ST18: variants seen among roughly 807,000 people sequenced by gnomAD.
The protein encoded by ST18 is suppression of tumorigenicity 18 protein.
ST18 carries 50 observed loss-of-function variants against 110.0 expected under a neutral mutation model. That is an observed-to-expected ratio of 0.45 (90% CI 0.36 to 0.58). The LOEUF is 0.58. ST18 is among the 20% of genes least tolerant of loss of function. The pLI, the probability that ST18 is intolerant of heterozygous loss-of-function variation, is 0.00. For missense variants in ST18, 1,306 were observed against 1,280.1 expected, an observed-to-expected ratio of 1.02 and a Z score of -0.31; for synonymous variants, 461 against 452.4, an observed-to-expected ratio of 1.02 and a Z score of -0.24.
chr8:52,321,935 CTAAA>C (rs996597388), intron 2 of ST18, among the ~76,000 whole-genome samples: 2 of 152,170 alleles, frequency 1.3e-5, no homozygotes, highest in African/African-American at 4.8e-5. Flanking sequence ...CTATCACCTC[CTAAA>C]TAATTAGAGC....
At chr8:52,249,199 A>G (rs1314162243) in intron 2 of ST18, among the ~76,000 whole-genome samples, 1 of 152,204 alleles carries the variant, frequency 6.6e-6, no homozygotes. Flanking sequence ...CAACAATAAC[A>G]ACAAAATAAG....
At chr8:52,172,674 T>TTC in intron 9 of ST18, 91 bp from the exon 10 acceptor site, 2 of 960,842 alleles carry the variant, frequency 2.1e-6, no homozygotes, top group Non-Finnish European at 3.0e-6. Flanking sequence ...AACATATGCA[T>TTC]TCACATACAT....
intron 2 of ST18, among the ~76,000 whole-genome samples, chr8:52,307,415 G>A (rs762478889): frequency 2.6e-5 from 4 of 152,020 alleles, no homozygotes; most frequent in Non-Finnish European, 5.9e-5. Flanking sequence ...CAAAGTCCAC[G>A]TTAAACAATA....
chr8:52,241,450 T>G (rs748302893), intron 2 of ST18, among the ~76,000 whole-genome samples: 1 of 152,242 alleles, frequency 6.6e-6, no homozygotes, highest in Non-Finnish European at 1.5e-5. Flanking sequence ...AGTAGTATAG[T>G]GAAACTGCAT....
At chr8:52,171,678 T>C (rs1013003793) in intron 10 of ST18, 114 bp downstream of exon 10, 1 of 1,055,386 alleles carries the variant, frequency 9.5e-7, no homozygotes, top group Non-Finnish European at 1.4e-6. Context: ...TAAATTGATT[T>C]TTAAGTTGCA....
chr8:52,157,568 C>T lies in ST18; in HGVS notation c.1806+1330G>A, dbSNP rs79400956. On this transcript the variant is annotated intron_variant, in intron 15 of 25. Coordinates refer to ENST00000689386, the MANE Select transcript of ST18 (RefSeq NM_001352837.2). ...TTGCATTTAAAAATTCCCTAAATCACCTATGTAAATAATTTGTGACTAGGA... is the reference window on the plus strand; with the variant it reads ...TTGCATTTAAAAATTCCCTAAATCATCTATGTAAATAATTTGTGACTAGGA... Among the ~76,000 whole-genome samples, 348 of 152,232 alleles carry T rather than the reference C, an allele frequency of 2.3e-3. 1 individual carries two copies. Among genetic ancestry groups the T allele is most frequent in the Non-Finnish European group, 4.3e-3 (289 of 67,992 alleles).
intron 2 of ST18, among the ~76,000 whole-genome samples, chr8:52,268,964 C>T (rs1293490549): frequency 6.6e-6 from 1 of 152,208 alleles, no homozygotes; most frequent in Non-Finnish European, 1.5e-5. Flanking sequence ...GTGCCCTCCG[C>T]AGCATCTTCA....
chr8:52,160,215 A>G (rs1452176603), intron 14 of ST18, among the ~76,000 whole-genome samples: 1 of 152,220 alleles, frequency 6.6e-6, no homozygotes, highest in Non-Finnish European at 1.5e-5. Context: ...GGCACACACA[A>G]AATTGCATGG....
At chr8:52,321,697 A>G (rs1055557991) in intron 2 of ST18, among the ~76,000 whole-genome samples, 2 of 152,216 alleles carry the variant, frequency 1.3e-5, no homozygotes, top group African/African-American at 4.8e-5. Context: ...GAATTTCACA[A>G]TGCCTGTCAA....
intron 8 of ST18, among the ~76,000 whole-genome samples, chr8:52,192,510 A>G (rs2074872106): frequency 6.6e-6 from 1 of 152,228 alleles, no homozygotes; most frequent in Non-Finnish European, 1.5e-5. Flanking sequence ...GAGCCCAGAA[A>G]TTGCTAGCCT....
At chr8:52,281,889 G>C (rs768797075) in intron 2 of ST18, among the ~76,000 whole-genome samples, 3 of 152,150 alleles carry the variant, frequency 2.0e-5, no homozygotes, top group African/African-American at 7.2e-5. Flanking sequence ...TTGGGGACTC[G>C]GGGAAATGGT....
In ST18 at chr8:52,215,594, A is replaced by G. The variant is rs577823073; in HGVS notation, c.1-1337T>C. ...TGAACTGCTTTTTAAACTAGCAAAC[A>G]AAAAGTGTTCACTGCCTTTGCTGAA... On this transcript the variant is annotated intron_variant, in intron 6 of 25. Coordinates refer to ENST00000689386, the MANE Select transcript of ST18 (RefSeq NM_001352837.2). Among the ~76,000 whole-genome samples the G allele has an allele frequency of 1.0e-3, 160 of 152,386 alleles. 3 individuals are homozygous for G. The highest frequency in any genetic ancestry group is 3.7e-4 in the Non-Finnish European group (25 of 68,044).
At chr8:52,237,181 T>C (rs773730337) in intron 2 of ST18, among the ~76,000 whole-genome samples, 3 of 152,174 alleles carry the variant, frequency 2.0e-5, no homozygotes, top group Non-Finnish European at 4.4e-5. Context: ...GATCAGTCCC[T>C]AGACAAAGCC....
chr8:52,124,676 A>C (rs1239374803), intron 23 of ST18, among the ~76,000 whole-genome samples: 1 of 152,140 alleles, frequency 6.6e-6, no homozygotes, highest in East Asian at 1.9e-4. Flanking sequence ...TCTTTTACTG[A>C]GCATGTGAAT....
intron 2 of ST18, among the ~76,000 whole-genome samples, chr8:52,277,503 T>C (rs2095296419): frequency 6.6e-6 from 1 of 152,230 alleles, no homozygotes; most frequent in Non-Finnish European, 1.5e-5. Flanking sequence ...ATCATGGTGT[T>C]CTTAGATCGC....
intron 2 of ST18, among the ~76,000 whole-genome samples, chr8:52,395,201 G>A (rs1209672073): frequency 6.6e-6 from 1 of 152,218 alleles, no homozygotes; most frequent in Admixed American, 6.5e-5. Flanking sequence ...AGCATCTACT[G>A]TGGGCCAAGT....
chr8:52,163,356 C>G (rs2061947025), intron 13 of ST18, among the ~76,000 whole-genome samples: 1 of 152,064 alleles, frequency 6.6e-6, no homozygotes, highest in South Asian at 2.1e-4. Context: ...AAATCATTTT[C>G]CCTACAAAAA....
chr8:52,248,237 C>T (rs1301639669), intron 2 of ST18, among the ~76,000 whole-genome samples: 1 of 152,012 alleles, frequency 6.6e-6, no homozygotes, highest in East Asian at 1.9e-4. Context: ...TGAAAGTTAG[C>T]AAACTGATTT....
intron 2 of ST18, among the ~76,000 whole-genome samples, chr8:52,370,588 C>G (rs1829911419): frequency 6.6e-6 from 1 of 152,180 alleles, no homozygotes; most frequent in South Asian, 2.1e-4. Context: ...CAAAACATAA[C>G]TACAAGTATA....
Sources: gnomAD v4.1 joint callset for allele counts (sites outside exome capture counted in the v4.1 genomes callset) on GRCh38, gnomAD v4.1.1 for gene constraint, MANE v1.5 for transcripts, NCBI Gene and HGNC (gene_info 2026-07-23, HGNC 2026-07-21) for gene names.